Variants in VEPH1 observed in about 807,000 individuals in gnomAD.
The protein encoded by VEPH1 is ventricular zone expressed PH domain containing 1, also known as ventricular zone-expressed PH domain-containing protein homolog 1.
Under a neutral mutation model 85.2 loss-of-function variants are expected in VEPH1, and 80 were observed. The ratio of observed to expected loss-of-function variants is 0.94; its 90% CI spans 0.78 to 1.13. The LOEUF is 1.13. Among genes scored for constraint, VEPH1 ranks in the 50% most tolerant of loss-of-function variants. The probability of loss-of-function intolerance (pLI) is 0.00; values close to 1 mark genes in which losing one functional copy is unlikely to be tolerated. For synonymous variants in VEPH1, 297 were observed against 348.0 expected, an observed-to-expected ratio of 0.85 and a Z score of 1.63; for missense variants, 955 against 980.5, an observed-to-expected ratio of 0.97 and a Z score of 0.35.
intron 2 of VEPH1, among the ~76,000 whole-genome samples, chr3:157,494,311 C>G (rs1577812427): frequency 6.6e-6 from 1 of 151,846 alleles, no homozygotes; most frequent in Non-Finnish European, 1.5e-5. Context: ...AGTCCCACCA[C>G]TTTCATCTTT....
intron 4 of VEPH1, chr3:157,437,662 C>G (rs1309026638): frequency 6.5e-7 from 1 of 1,541,122 alleles, no homozygotes; most frequent in East Asian, 2.4e-5. Flanking sequence ...GGAGCTGGGC[C>G]GGCTCGCGGA....
intron 11 of VEPH1, among the ~76,000 whole-genome samples, chr3:157,313,278 C>A (rs1361900006): frequency 6.6e-6 from 1 of 152,040 alleles, no homozygotes; most frequent in Non-Finnish European, 1.5e-5. Flanking sequence ...ATATTATCCT[C>A]CTGCCTCAAC....
intron 7 of VEPH1, among the ~76,000 whole-genome samples, chr3:157,376,344 TGCTCA>T (rs1338530050): frequency 6.6e-6 from 1 of 152,174 alleles, no homozygotes; most frequent in African/African-American, 2.4e-5. Flanking sequence ...ATCACTCCAC[TGCTCA>T]GCTCAGCCAG....
intron 2 of VEPH1, among the ~76,000 whole-genome samples, chr3:157,480,082 CTG>C (rs974382351): frequency 2.2e-4 from 12 of 55,662 alleles, no homozygotes; most frequent in African/African-American, 5.6e-4. Context: ...TTCTTTCTTT[CTG>C]TCTCTCTCTC....
At chr3:157,449,771 C>T (rs1734817912) in intron 4 of VEPH1, among the ~76,000 whole-genome samples, 1 of 152,202 alleles carries the variant, frequency 6.6e-6, no homozygotes, top group South Asian at 2.1e-4. Flanking sequence ...AAATTTACAT[C>T]TTTGCCACAT....
intron 4 of VEPH1, among the ~76,000 whole-genome samples, chr3:157,452,897 T>C (rs1279202942): frequency 6.6e-6 from 1 of 152,144 alleles, no homozygotes; most frequent in East Asian, 1.9e-4. Flanking sequence ...TGGGTTTCTT[T>C]TGGGGATCTA....
chr3:157,304,030 T>TATATATATATATATATATAC (rs1719165506), intron 11 of VEPH1, among the ~76,000 whole-genome samples: 1 of 83,224 alleles, frequency 1.2e-5, no homozygotes, highest in African/African-American at 3.3e-5. Context: ...TTTTTATATA[T>TATATATATATATATATATAC]ATATATATAC....
At chr3:157,365,436 G>A (rs1039518344) in intron 7 of VEPH1, among the ~76,000 whole-genome samples, 66 of 152,084 alleles carry the variant, frequency 4.3e-4, no homozygotes, top group African/African-American at 1.5e-3. Context: ...CAATATGTGG[G>A]TTTTTTTCTC....
At position 157,388,253 on chromosome 3, in the gene VEPH1, G is replaced by A. The variant is rs552422239; in HGVS notation, c.907-6877C>T. 2.2e-4 allele frequency among the ~76,000 whole-genome samples: 34 copies of A among 152,328 alleles called. 1 individual carries two copies. In the South Asian group the frequency reaches 3.7e-3, roughly 17 times the overall value. ...CTTAGGAGCCTTCAAAAGCCTGAGT[G>A]TGGCCAGTGATGCTTAACTGCCTGG... is the stretch of plus-strand genomic sequence containing the variant. On this transcript the variant is annotated intron_variant, in intron 6 of 13. Coordinates refer to ENST00000362010, the MANE Select transcript of VEPH1 (RefSeq NM_001167912.2).
rs767848621 is a variant in VEPH1, at chr3:157,470,464, G to A, written c.204C>T (p.Ala68=). The change falls in exon 3 of 14, where the codon GCC becomes GCT. Residue 68 remains alanine, a synonymous_variant. Transcript: ENST00000362010. The part of the protein sequence containing the change: ...VEICITRITT[A]IRETESIEKH... ...TTTCAATGGACTCGGTCTCTCTGAT[G>A]GCTGTTGTGATTCTTGTGATACAGA... 1.2e-6 allele frequency: 2 copies of A among 1,614,006 alleles called. No individual in the cohort carries two copies. Among genetic ancestry groups the A allele is most frequent in the African/African-American group, 2.7e-5 (2 of 74,900 alleles).
intron 1 of VEPH1, among the ~76,000 whole-genome samples, chr3:157,500,294 C>T (rs1343533682): frequency 3.3e-5 from 5 of 152,304 alleles, no homozygotes; most frequent in African/African-American, 9.6e-5. Flanking sequence ...ACCCCTAAGT[C>T]GTCTGTTCCT....
chr3:157,335,906 G>A (rs1722920123), intron 9 of VEPH1, among the ~76,000 whole-genome samples: 1 of 152,150 alleles, frequency 6.6e-6, no homozygotes, highest in Non-Finnish European at 1.5e-5. Context: ...GGGCGGTGGA[G>A]TGAGTCACTA....
chr3:157,390,886 G>A (rs890358122), intron 6 of VEPH1, among the ~76,000 whole-genome samples: 4 of 152,122 alleles, frequency 2.6e-5, no homozygotes, highest in African/African-American at 9.7e-5. Context: ...ATCCCCTCGG[G>A]GCTCCATGGT....
At chr3:157,302,068 A>G (rs1461088075) in intron 11 of VEPH1, among the ~76,000 whole-genome samples, 1 of 151,168 alleles carries the variant, frequency 6.6e-6, no homozygotes, top group Non-Finnish European at 1.5e-5. Flanking sequence ...TGATACCACC[A>G]TGCCAGAAAC....
chr3:157,450,768 A>G (rs1030796869), intron 4 of VEPH1, among the ~76,000 whole-genome samples: 2 of 152,012 alleles, frequency 1.3e-5, no homozygotes, highest in Non-Finnish European at 2.9e-5. Context: ...GTGGAATTAT[A>G]TCGAATATTA....
chr3:157,501,993 A>G (rs557876035), intron 1 of VEPH1, among the ~76,000 whole-genome samples: 5 of 152,338 alleles, frequency 3.3e-5, no homozygotes, highest in African/African-American at 1.2e-4. Flanking sequence ...TCTTTTTCAC[A>G]CAGCGTGAAA....
chr3:157,472,620 G>C (rs1459079631), intron 2 of VEPH1, among the ~76,000 whole-genome samples: 1 of 152,080 alleles, frequency 6.6e-6, no homozygotes, highest in East Asian at 1.9e-4. Context: ...TGTCACTCAA[G>C]TATCATGCCT....
chr3:157,367,266 T>C (rs2047650), intron 7 of VEPH1, among the ~76,000 whole-genome samples: 34,756 of 152,154 alleles, frequency 0.23, 4,782 homozygotes, highest in Admixed American at 0.43. Flanking sequence ...CTTTCTGACA[T>C]ATATATGATA....
intron 12 of VEPH1, among the ~76,000 whole-genome samples, chr3:157,272,344 CTT>C (rs1714720230): frequency 6.7e-6 from 1 of 148,382 alleles, no homozygotes; most frequent in African/African-American, 2.5e-5. Flanking sequence ...CTTTCTTTCT[CTT>C]TTTCTCTCTC....
Sources: allele counts gnomAD v4.1 joint callset (sites outside exome capture counted in the v4.1 genomes callset), GRCh38; gene constraint gnomAD v4.1.1; transcripts MANE v1.5; gene names NCBI Gene and HGNC (gene_info 2026-07-23, HGNC 2026-07-21).